Variants in PCNT observed in about 807,000 individuals in gnomAD.
The protein encoded by PCNT is pericentrin.
Under a neutral mutation model 380.4 loss-of-function variants are expected in PCNT, and 319 were observed. That is an observed-to-expected ratio of 0.84 (90% CI 0.77 to 0.92). The LOEUF (loss-of-function observed/expected upper bound fraction) is 0.92. Ranked by LOEUF, PCNT falls within the 40% of genes least tolerant of loss-of-function variation. PCNT has a pLI of 0.00. For missense variants in PCNT, 4,400 were observed against 4,255.3 expected (o/e 1.03, Z -0.95); for synonymous variants, 1,845 against 1,735.2 (o/e 1.06, Z -1.57).
At chr21:46,429,387 T>C (rs58224078) in intron 35 of PCNT, among the ~76,000 whole-genome samples, 2 of 101,728 alleles carry the variant, frequency 2.0e-5, no homozygotes, top group African/African-American at 9.4e-5. Context: ...GTGCCGGCGC[T>C]GTGCGAGCGC....
chr21:46,353,703 C>CGAGT (rs2084360037), intron 10 of PCNT, among the ~76,000 whole-genome samples: 3 of 147,230 alleles, frequency 2.0e-5, no homozygotes, highest in Non-Finnish European at 4.5e-5. Context: ...GTGGCAGGGG[C>CGAGT]ACTCTCCTCC....
intron 29 of PCNT, among the ~76,000 whole-genome samples, chr21:46,414,860 TC>T (rs1569275046): frequency 1.9e-4 from 20 of 105,952 alleles, no homozygotes; most frequent in African/African-American, 1.4e-3. Context: ...ACACCTACCC[TC>T]CTCCTGCTGG....
intron 15 of PCNT, among the ~76,000 whole-genome samples, chr21:46,367,907 T>A (rs192245431): frequency 6.6e-6 from 1 of 152,334 alleles, no homozygotes; most frequent in Admixed American, 6.5e-5. Flanking sequence ...GCACAATGGC[T>A]CACGTCTGTA....
intron 27 of PCNT, among the ~76,000 whole-genome samples, chr21:46,406,106 G>A (rs1350292769): frequency 3.9e-5 from 6 of 152,222 alleles, no homozygotes; most frequent in Non-Finnish European, 7.3e-5. Context: ...CAGTGAAGAT[G>A]TTTGTCTTCT....
Position 46,432,060 on chromosome 21 carries a change from G to A in PCNT, c.8596G>A (p.Glu2866Lys), listed in dbSNP as rs1384044596. ...GAGATGCTCTCTGGAGAGAGAGAGGGAGAAACCAGCGTGGTTGCAGGCAGA... is the reference window on the plus strand; with the variant it reads ...GAGATGCTCTCTGGAGAGAGAGAGGAAGAAACCAGCGTGGTTGCAGGCAGA... ...ELRCSLERER[E>K]KPAWLQAELE... Residue 2866 changes from glutamate (E) to lysine (K), a missense_variant, in exon 38 of 47, where the codon GAG becomes AAG. Coordinates refer to ENST00000359568, the MANE Select transcript of PCNT (RefSeq NM_006031.6). The A allele has an allele frequency of 1.9e-6, 3 of 1,613,912 alleles. No individual in the cohort carries two copies. The highest frequency in any genetic ancestry group is 2.5e-6 in the Non-Finnish European group (3 of 1,180,042).
rs150669896 is a variant in PCNT, at chr21:46,435,603, C to T, written c.8752-301C>T. The stretch of plus-strand genomic sequence containing the variant: ...TGTTGTCCAGGCTGAAGTGCAGTGG[C>T]GCAATCTCGGCTCACTGCAAGCTCT... On this transcript the variant is annotated intron_variant, in intron 38 of 46. Coordinates refer to ENST00000359568, the MANE Select transcript of PCNT (RefSeq NM_006031.6). Among the ~76,000 whole-genome samples, 640 of 151,870 alleles carry T rather than the reference C, an allele frequency of 4.2e-3. 5 individuals carry two copies. The highest frequency in any genetic ancestry group is 0.015 in the African/African-American group (616 of 41,364).
intron 21 of PCNT, among the ~76,000 whole-genome samples, chr21:46,395,774 A>G (rs76760946): frequency 6.6e-6 from 1 of 151,728 alleles, no homozygotes; most frequent in Non-Finnish European, 1.5e-5. Context: ...GTAATAAAAT[A>G]GAGACTTCAG....
chr21:46,445,392 C>T lies in PCNT; in HGVS notation c.*65C>T. The stretch of plus-strand genomic sequence containing the variant: ...AGGAAAAGATTTGTTTTTCCCTTTT[C>T]CCAAGGAAGCTCGTGGGACAGCATG... On this transcript the variant is annotated 3_prime_UTR_variant, in exon 47 of 47. Coordinates refer to ENST00000359568, the MANE Select transcript of PCNT (RefSeq NM_006031.6). 3 of 1,307,168 alleles carry T rather than the reference C, an allele frequency of 2.3e-6. No homozygotes were observed. Among genetic ancestry groups the T allele is most frequent in the Non-Finnish European group, 3.3e-6 (3 of 899,848 alleles). 81.0% of individuals were successfully genotyped at this position (1,307,168 alleles called of 1,614,324 possible).
chr21:46,384,962 T>C (rs2085777120), intron 16 of PCNT, among the ~76,000 whole-genome samples: 1 of 152,234 alleles, frequency 6.6e-6, no homozygotes, highest in African/African-American at 2.4e-5. Flanking sequence ...CATTCGGTGA[T>C]GGAATCACAT....
In PCNT at chr21:46,418,169, CATT is replaced by C. The variant is rs770223713; in HGVS notation, c.6922-31_6922-29del. On this transcript the variant is annotated intron_variant, in intron 30 of 46. Transcript: ENST00000359568. ...AAGTCAGCGCTATGATGTAATTACT[CATT>C]ATTTTATGACCATTTAAAAATCTCT... is the stretch of plus-strand genomic sequence containing the variant. 19 of 1,284,212 alleles carry C rather than the reference CATT, an allele frequency of 1.5e-5. No individual in the cohort carries two copies. In the East Asian group the frequency reaches 2.5e-4, roughly 17 times the overall value. The allele number at this position is 1,284,212 out of a possible 1,614,324, so 79.6% of individuals were successfully genotyped here.
intron 9 of PCNT, 110 bp from the exon 10 acceptor site, chr21:46,352,994 G>A: frequency 1.2e-6 from 1 of 840,968 alleles, no homozygotes; most frequent in Non-Finnish European, 2.0e-6. Context: ...TCTGGGATGG[G>A]CCCTTTTCCG....
chr21:46,418,072 C>T, intron 30 of PCNT, 132 bp from the exon 31 acceptor site: 1 of 667,482 alleles, frequency 1.5e-6, no homozygotes, highest in South Asian at 1.7e-5. Context: ...GTGTGTTCAC[C>T]AGTTTTGAGT....
chr21:46,360,752 TCCC>T (rs2084685762), intron 13 of PCNT, among the ~76,000 whole-genome samples: 1 of 151,630 alleles, frequency 6.6e-6, no homozygotes, highest in South Asian at 2.1e-4. Flanking sequence ...TCTCCTGACT[TCCC>T]GATCCGCCCA....
At chr21:46,347,614 C>A in intron 6 of PCNT, 102 bp downstream of exon 6, 1 of 1,044,112 alleles carries the variant, frequency 9.6e-7, no homozygotes. Flanking sequence ...AGACAGAAGC[C>A]AGTCGAGGCT....
At chr21:46,412,762 G>C in intron 28 of PCNT, 75 bp from the exon 29 acceptor site, 1 of 1,539,462 alleles carries the variant, frequency 6.5e-7, no homozygotes, top group Non-Finnish European at 8.9e-7. Context: ...CTGGTTCCCA[G>C]CTCCAGGCCA....
chr21:46,435,802 A>G (rs1206618194), intron 38 of PCNT, 102 bp from the exon 39 acceptor site: 4 of 1,408,402 alleles, frequency 2.8e-6, no homozygotes, highest in Non-Finnish European at 4.0e-6. Flanking sequence ...TCGGCCTCCC[A>G]AAGTGCTAGG....
At chr21:46,359,854 G>A (rs571638161) in intron 13 of PCNT, among the ~76,000 whole-genome samples, 9 of 150,230 alleles carry the variant, frequency 6.0e-5, no homozygotes, top group African/African-American at 2.2e-4. Flanking sequence ...TTTTTTATTC[G>A]TTTTACCTTT....
chr21:46,373,934 T>A (rs1255714214), intron 15 of PCNT, among the ~76,000 whole-genome samples: 7 of 151,978 alleles, frequency 4.6e-5, no homozygotes, highest in African/African-American at 1.7e-4. Flanking sequence ...TTCACCATGT[T>A]GGCCAGGCTG....
At chr21:46,367,310 CTTTT>C (rs35676009) in intron 15 of PCNT, among the ~76,000 whole-genome samples, 171 bp downstream of exon 15, 1 of 132,732 alleles carries the variant, frequency 7.5e-6, no homozygotes, top group Admixed American at 7.7e-5. Flanking sequence ...GTGAACTGGG[CTTTT>C]TTTTTTTTTT....
Sources: allele counts gnomAD v4.1 joint callset (sites outside exome capture counted in the v4.1 genomes callset), GRCh38; gene constraint gnomAD v4.1.1; transcripts MANE v1.5; gene names NCBI Gene and HGNC (gene_info 2026-07-23, HGNC 2026-07-21).